Variants in TRIP13 observed in about 807,000 individuals in gnomAD.
TRIP13 encodes thyroid hormone receptor interactor 13, also known as pachytene checkpoint protein 2 homolog.
In TRIP13, 25 loss-of-function variants were observed where a neutral mutation model predicts 54.4. That is an observed-to-expected ratio of 0.46 (90% confidence interval 0.33 to 0.64). The LOEUF (loss-of-function observed/expected upper bound fraction) is 0.64. Ranked by LOEUF, TRIP13 falls within the 30% of genes least tolerant of loss-of-function variation. TRIP13 has a pLI of 0.02. For synonymous variants in TRIP13, 207 were observed against 207.8 expected (o/e 1.00, Z 0.03); for missense variants, 373 against 534.2 (o/e 0.70, Z 2.97).
chr5:917,024 TA>T lies in TRIP13; in HGVS notation c.1221del (p.Ile407MetfsTer44). On this transcript the variant is annotated frameshift_variant, in exon 13 of 13. Coordinates refer to ENST00000166345, the MANE Select transcript of TRIP13 (RefSeq NM_004237.4). LOFTEE classifies it high-confidence loss of function. ...ALYVQAPTVT[I>X]EGFLQALSLA... ...ACCTTCTAGGCCCCCACCGTCACCA[TA>T]GAGGGGTTCCTCCAGGCCCTGTCTC... 6.2e-7 allele frequency: 1 copy of T among 1,614,126 alleles called. No individual in the cohort carries two copies. Among genetic ancestry groups the T allele is most frequent in the South Asian group, 1.1e-5 (1 of 91,072 alleles).
intron 9 of TRIP13, among the ~76,000 whole-genome samples, chr5:910,969 C>G (rs1277789355): frequency 1.3e-5 from 2 of 152,246 alleles, no homozygotes; most frequent in Non-Finnish European, 2.9e-5. Context: ...AGTTGACCTT[C>G]CCCAGGCAGC....
In TRIP13 at chr5:911,758, C is replaced by A; in HGVS notation, c.867-85C>A. 6.6e-7 allele frequency: 1 copy of A among 1,505,656 alleles called. No homozygotes were observed. Among genetic ancestry groups the A allele is most frequent in the Middle Eastern group, 1.9e-4 (1 of 5,260 alleles). 93.3% of individuals were successfully genotyped at this position (1,505,656 alleles called of 1,614,324 possible). On this transcript the variant is annotated intron_variant, in intron 9 of 12. Transcript: ENST00000166345. This position sits in a 1 kb window ranked among gnomAD's most constrained non-coding sequence, Gnocchi z 4.7. ...TGGCAGCCTGCTGGCCATCGTCCTG[C>A]CAACCTCCTTGCCAGATAGGGCAGG...
chr5:905,643 A>G (rs1472466586), intron 6 of TRIP13, among the ~76,000 whole-genome samples: 1 of 151,570 alleles, frequency 6.6e-6, no homozygotes, highest in Non-Finnish European at 1.5e-5. Flanking sequence ...CCCAGCCCTC[A>G]CTGCCCTGTG....
chr5:895,397 G>A (rs562291390), intron 2 of TRIP13, among the ~76,000 whole-genome samples: 47 of 152,240 alleles, frequency 3.1e-4, no homozygotes, highest in African/African-American at 1.1e-3. Flanking sequence ...GAGTTGATGC[G>A]TATGGGTTAG....
rs148020919 is a variant in TRIP13 at position 912,005 on chromosome 5, AT to A, written c.1020+19del. ...TGGAAGAACTGATGAAGGTACCTTT[AT>A]TTTTTTTTTCCTCTTGATACAAATG... On this transcript the variant is annotated intron_variant, in intron 10 of 12. Transcript: ENST00000166345. The surrounding 1 kb of genome is among the most constrained non-coding windows in gnomAD (Gnocchi z 7.2). 0.057 allele frequency: 87,195 copies of A among 1,521,784 alleles called. 2,998 individuals carry two copies. The highest frequency in any genetic ancestry group is 0.18 in the African/African-American group (12,479 of 71,202). The allele number at this position is 1,521,784 out of a possible 1,614,324, so 94.3% of individuals were successfully genotyped here. A position where few individuals can be genotyped will look rare whatever the true frequency, so the allele number is the denominator to read the frequency against.
chr5:917,024 T>C lies in TRIP13; in HGVS notation c.1220T>C (p.Ile407Thr), dbSNP rs778623979. 1.9e-6 allele frequency: 3 copies of C among 1,614,008 alleles called. No homozygotes were observed. Among genetic ancestry groups the C allele is most frequent in the African/African-American group, 2.7e-5 (2 of 74,916 alleles). The change falls in exon 13 of 13, where the codon ATA (isoleucine) becomes ACA (threonine). Residue 407 changes from isoleucine (I) to threonine (T), a missense_variant. Coordinates refer to ENST00000166345, the MANE Select transcript of TRIP13 (RefSeq NM_004237.4). ...ALYVQAPTVT[I>T]EGFLQALSLA... The stretch of plus-strand genomic sequence containing the variant: ...ACCTTCTAGGCCCCCACCGTCACCA[T>C]AGAGGGGTTCCTCCAGGCCCTGTCT...
intron 5 of TRIP13, among the ~76,000 whole-genome samples, chr5:903,092 G>C (rs1580053765): frequency 6.6e-6 from 1 of 152,092 alleles, no homozygotes; most frequent in African/African-American, 2.4e-5. Context: ...CTAATGTCAG[G>C]CCCTCCACAA....
At chr5:906,828 C>G (rs936192015) in intron 6 of TRIP13, among the ~76,000 whole-genome samples, 4 of 152,160 alleles carry the variant, frequency 2.6e-5, no homozygotes, top group African/African-American at 9.7e-5. Flanking sequence ...GTTTTGTTTT[C>G]TGTCTTATGT....
In TRIP13 at chr5:894,777, C is replaced by A. The variant is rs753181723; in HGVS notation, c.93-10C>A. 16 of 1,586,324 alleles carry A rather than the reference C, an allele frequency of 1.0e-5. No individual in the cohort carries two copies. Among genetic ancestry groups the A allele is most frequent in the Non-Finnish European group, 1.4e-5 (16 of 1,168,918 alleles). On this transcript the variant is annotated splice_polypyrimidine_tract_variant and intron_variant, in intron 1 of 12. Transcript: ENST00000166345. ...AGATCATTTATGTGTGTTTTGGCTT[C>A]TTTTTTTAGCACTGCAAAGAAAGAA...
intron 5 of TRIP13, 68 bp downstream of exon 5, chr5:901,499 T>G (rs2150683714): frequency 6.7e-7 from 1 of 1,492,762 alleles, no homozygotes. Context: ...TGTACCTTCG[T>G]CCTTCTGCAA....
At chr5:900,579 CCT>C (rs755914920) in intron 4 of TRIP13, 30 bp downstream of exon 4, 2 of 1,606,276 alleles carry the variant, frequency 1.2e-6, no homozygotes, top group Non-Finnish European at 1.7e-6. Context: ...CCCAGAATGC[CCT>C]GTTATTTGAA....
At chr5:910,687 C>A (rs565672029) in intron 9 of TRIP13, among the ~76,000 whole-genome samples, 1 of 152,340 alleles carries the variant, frequency 6.6e-6, no homozygotes, top group East Asian at 1.9e-4. Context: ...TCCAGCCCCT[C>A]TCTAGAGGAC....
intron 12 of TRIP13, 51 bp from the exon 13 acceptor site, chr5:916,957 C>G (rs1382383399): frequency 1.9e-6 from 3 of 1,566,536 alleles, no homozygotes; most frequent in Non-Finnish European, 2.6e-6. Flanking sequence ...TGCCAGATGG[C>G]CCCACCAAAC....
rs898082087 is a variant in TRIP13 at position 911,075 on chromosome 5, G to T, written c.867-768G>T. Among the ~76,000 whole-genome samples, 3 of 152,248 alleles carry T rather than the reference G, an allele frequency of 2.0e-5. No homozygotes were observed. The highest frequency in any genetic ancestry group is 4.1e-4 in the South Asian group (2 of 4,834). On this transcript the variant is annotated intron_variant, in intron 9 of 12. Coordinates refer to ENST00000166345, the MANE Select transcript of TRIP13 (RefSeq NM_004237.4). This position sits in a 1 kb window ranked among gnomAD's most constrained non-coding sequence, Gnocchi z 4.7. ...TGCCCGCTCTGCTGGCTCATGCTGG[G>T]TCCTTGGGGGACATTGGTCAACAGA...
At chr5:914,909 G>C (rs1263471656) in intron 11 of TRIP13, among the ~76,000 whole-genome samples, 1 of 152,192 alleles carries the variant, frequency 6.6e-6, no homozygotes. Context: ...TCCAGGGAGG[G>C]TGGAAGGGAA....
At chr5:905,308 T>C (rs1158244711) in intron 6 of TRIP13, among the ~76,000 whole-genome samples, 1 of 152,162 alleles carries the variant, frequency 6.6e-6, no homozygotes, top group Non-Finnish European at 1.5e-5. Flanking sequence ...GCCCTTCAGC[T>C]CACAGACCAC....
chr5:904,094 G>A (rs1259463287), intron 5 of TRIP13, 54 bp from the exon 6 acceptor site: 20 of 1,528,786 alleles, frequency 1.3e-5, no homozygotes, highest in Non-Finnish European at 1.7e-5. Context: ...GTTGTTTTAA[G>A]AAATTTGTTG....
intron 6 of TRIP13, among the ~76,000 whole-genome samples, chr5:904,630 C>T (rs914196740): frequency 6.6e-6 from 1 of 152,110 alleles, no homozygotes; most frequent in East Asian, 1.9e-4. Flanking sequence ...TGTCTGCTTT[C>T]ATGTTAGACT....
In TRIP13 at chr5:907,872, T is replaced by A; in HGVS notation, c.673-116T>A. ...ATTTAGGGAGCTTTCTGAGGGGCCG[T>A]CAGGAGACAGTGGGCTTGTGGGGAC... On this transcript the variant is annotated intron_variant, in intron 7 of 12. Coordinates refer to ENST00000166345, the MANE Select transcript of TRIP13 (RefSeq NM_004237.4). The surrounding 1 kb of genome is among the most constrained non-coding windows in gnomAD (Gnocchi z 4.1). The A allele has an allele frequency of 1.9e-6, 2 of 1,028,380 alleles. No individual in the cohort carries two copies. Among genetic ancestry groups the A allele is most frequent in the Non-Finnish European group, 3.0e-6 (2 of 663,796 alleles). The allele number at this position is 1,028,380 out of a possible 1,614,324, so 63.7% of individuals were successfully genotyped here. A position where few individuals can be genotyped will look rare whatever the true frequency, so the allele number is the denominator to read the frequency against.
Sources: allele counts gnomAD v4.1 joint callset (sites outside exome capture counted in the v4.1 genomes callset), GRCh38; gene constraint gnomAD v4.1.1; non-coding constraint Gnocchi (gnomAD v3.1); transcripts MANE v1.5; gene names NCBI Gene and HGNC (gene_info 2026-07-23, HGNC 2026-07-21).